The following JAM3 variants were observed in gnomAD, a reference collection of about 807,000 sequenced individuals.
The protein encoded by JAM3 is junctional adhesion molecule 3.
In JAM3, 31 loss-of-function variants were observed where a neutral mutation model predicts 39.4. The ratio of observed to expected loss-of-function variants is 0.79; its 90% confidence interval spans 0.59 to 1.06. JAM3 has a LOEUF of 1.06. Ranked by LOEUF, JAM3 falls within the 50% of genes least tolerant of loss-of-function variation. The pLI is 0.00. For synonymous variants in JAM3, 182 were observed against 148.7 expected, an observed-to-expected ratio of 1.22 and a Z score of -1.63; for missense variants, 455 against 391.4, an observed-to-expected ratio of 1.16 and a Z score of -1.37.
intron 5 of JAM3, 182 bp downstream of exon 5, chr11:134,145,176 TAGG>T: frequency 3.1e-6 from 2 of 642,024 alleles, no homozygotes; most frequent in Non-Finnish European, 5.5e-6. Context: ...AGTACATTCT[TAGG>T]GGGTAAAATA....
At chr11:134,096,330 A>G (rs1055230410) in intron 1 of JAM3, among the ~76,000 whole-genome samples, 1 of 152,142 alleles carries the variant, frequency 6.6e-6, no homozygotes, top group Non-Finnish European at 1.5e-5. Context: ...TTTAGTATAA[A>G]TAGGTAAGGG....
intron 1 of JAM3, among the ~76,000 whole-genome samples, chr11:134,130,277 T>G (rs1452846748): frequency 6.6e-6 from 1 of 152,196 alleles, no homozygotes; most frequent in Non-Finnish European, 1.5e-5. Context: ...AGACACTAAC[T>G]CAGTCTATGT....
intron 1 of JAM3, among the ~76,000 whole-genome samples, chr11:134,096,005 G>A (rs1174365235): frequency 6.6e-6 from 1 of 152,064 alleles, no homozygotes; most frequent in Non-Finnish European, 1.5e-5. Flanking sequence ...TTGAGATGGA[G>A]CCTTACTCTC....
intron 1 of JAM3, among the ~76,000 whole-genome samples, chr11:134,138,968 C>T (rs577147534): frequency 1.4e-4 from 21 of 152,258 alleles, no homozygotes; most frequent in African/African-American, 4.8e-5. Context: ...TTTTCTTTAG[C>T]GGTTATCATA....
intron 1 of JAM3, among the ~76,000 whole-genome samples, chr11:134,092,220 C>G (rs367664519): frequency 6.6e-6 from 1 of 152,164 alleles, no homozygotes; most frequent in Non-Finnish European, 1.5e-5. Flanking sequence ...AGAGCTGTTG[C>G]GTGTGCTGCC....
chr11:134,111,632 T>G (rs1942313683), intron 1 of JAM3, among the ~76,000 whole-genome samples: 1 of 152,106 alleles, frequency 6.6e-6, no homozygotes. Context: ...GTTTTTGAAA[T>G]TCTGTAGAAT....
At chr11:134,112,521 T>C (rs1202635074) in intron 1 of JAM3, among the ~76,000 whole-genome samples, 1 of 152,174 alleles carries the variant, frequency 6.6e-6, no homozygotes. Flanking sequence ...ACAGATATAC[T>C]TAATTATGTA....
intron 1 of JAM3, among the ~76,000 whole-genome samples, chr11:134,086,476 A>C (rs1408212349): frequency 6.6e-6 from 1 of 152,076 alleles, no homozygotes; most frequent in African/African-American, 2.4e-5. Context: ...TCTCTTTGAC[A>C]TTCTTGGATT....
chr11:134,080,123 T>C (rs1476645903), intron 1 of JAM3, among the ~76,000 whole-genome samples: 3 of 152,250 alleles, frequency 2.0e-5, no homozygotes, highest in African/African-American at 7.2e-5. Flanking sequence ...CAATCTGATT[T>C]CTAAGCATCA....
At chr11:134,069,195 G>A (rs1359727593) in intron 1 of JAM3, 36 bp downstream of exon 1, 3 of 1,606,074 alleles carry the variant, frequency 1.9e-6, no homozygotes, top group South Asian at 2.2e-5. Flanking sequence ...GGAGACTAGG[G>A]TCTGGGGGCG....
chr11:134,069,123 C>T lies in JAM3; in HGVS notation c.40C>T (p.Arg14Trp), dbSNP rs771822749. ...RRPPRLRLCA[R>W]LPDFFLLLLF... ...GCCACCGCGACTCCGGCTCTGCGCTCGGCTGCCTGACTTCTTCCTGCTGCT... is the reference window on the plus strand; with the variant it reads ...GCCACCGCGACTCCGGCTCTGCGCTTGGCTGCCTGACTTCTTCCTGCTGCT... The change falls in exon 1 of 9, where the codon CGG becomes TGG. Residue 14 changes from arginine (R) to tryptophan (W), a missense_variant. Physicochemically the swap from Arg to Trp is moderately radical, Grantham distance 101. Transcript: ENST00000299106. The T allele has an allele frequency of 2.4e-5, 39 of 1,612,644 alleles. No individual in the cohort carries two copies. The highest frequency in any genetic ancestry group is 3.1e-5 in the Non-Finnish European group (36 of 1,179,408).
At chr11:134,072,124 TGTAAC>T (rs1941492797) in intron 1 of JAM3, among the ~76,000 whole-genome samples, 1 of 152,186 alleles carries the variant, frequency 6.6e-6, no homozygotes, top group African/African-American at 2.4e-5. Context: ...GGCCACATAA[TGTAAC>T]AGACGCAGCT....
At chr11:134,086,421 AAAC>A (rs1168219261) in intron 1 of JAM3, among the ~76,000 whole-genome samples, 1 of 152,086 alleles carries the variant, frequency 6.6e-6, no homozygotes, top group African/African-American at 2.4e-5. Context: ...TTTTTAAAGA[AAAC>A]AAAAATCTGG....
intron 1 of JAM3, among the ~76,000 whole-genome samples, chr11:134,111,550 T>C (rs1942311745): frequency 6.6e-6 from 1 of 152,112 alleles, no homozygotes; most frequent in South Asian, 2.1e-4. Context: ...ATACCATTAA[T>C]TCGATGTTAG....
intron 8 of JAM3, 133 bp from the exon 9 acceptor site, chr11:134,149,013 T>G (rs957502951): frequency 2.7e-5 from 30 of 1,115,414 alleles, no homozygotes; most frequent in Non-Finnish European, 3.9e-5. Context: ...ATTTGTGCTT[T>G]GCAAGCGCTA....
chr11:134,087,052 C>T (rs1043068113), intron 1 of JAM3, among the ~76,000 whole-genome samples: 5 of 152,062 alleles, frequency 3.3e-5, no homozygotes, highest in Non-Finnish European at 7.4e-5. Flanking sequence ...CGATCCTCCT[C>T]CCTCAGTCTC....
intron 1 of JAM3, 64 bp downstream of exon 1, chr11:134,069,223 C>T: frequency 1.3e-6 from 2 of 1,570,434 alleles, no homozygotes; most frequent in South Asian, 2.3e-5. Flanking sequence ...CAGAGCGGGC[C>T]GAAGCTGCTG....
At chr11:134,126,098 A>T (rs189593068) in intron 1 of JAM3, among the ~76,000 whole-genome samples, 1 of 152,270 alleles carries the variant, frequency 6.6e-6, no homozygotes, top group African/African-American at 2.4e-5. Context: ...TTTTCCTGCG[A>T]CATCCCTTCC....
At position 134,148,633 on chromosome 11, in the gene JAM3, T is replaced by C. The variant is rs1433696760; in HGVS notation, c.799T>C (p.Tyr267His). The C allele has an allele frequency of 1.2e-6, 2 of 1,614,140 alleles. No homozygotes were observed. Among genetic ancestry groups the C allele is most frequent in the East Asian group, 2.2e-5 (1 of 44,886 alleles). ...ALITLGICCAYRRGYFINNKQ... is the reference protein window; with the variant it reads ...ALITLGICCAHRRGYFINNKQ... ...GATCACGTTGGGCATCTGCTGTGCATACAGACGTGGCTACTTCATCAACAA... is the reference window on the plus strand; with the variant it reads ...GATCACGTTGGGCATCTGCTGTGCACACAGACGTGGCTACTTCATCAACAA... The change falls in exon 7 of 9, where the codon TAC (tyrosine) becomes CAC (histidine). Residue 267 changes from tyrosine to histidine, a missense_variant. Coordinates refer to ENST00000299106, the MANE Select transcript of JAM3 (RefSeq NM_032801.5).
Sources: allele counts gnomAD v4.1 joint callset (sites outside exome capture counted in the v4.1 genomes callset), GRCh38; gene constraint gnomAD v4.1.1; transcripts MANE v1.5; gene names NCBI Gene and HGNC (gene_info 2026-07-23, HGNC 2026-07-21).